CAGE1: variants seen among roughly 807,000 people sequenced by gnomAD.
The protein encoded by CAGE1 is cancer-associated gene 1 protein.
A neutral mutation model predicts 94.9 loss-of-function variants in CAGE1; 66 were observed. The ratio of observed to expected loss-of-function variants is 0.70; its 90% CI spans 0.57 to 0.85. CAGE1 has a LOEUF of 0.85. CAGE1 is among the 40% of genes least tolerant of loss of function. The pLI, the probability that CAGE1 is intolerant of heterozygous loss-of-function variation, is 0.00. For synonymous variants in CAGE1, 319 were observed against 321.0 expected (o/e 0.99, Z 0.07); for missense variants, 865 against 950.4 (o/e 0.91, Z 1.18).
intron 1 of CAGE1, among the ~76,000 whole-genome samples, chr6:7,387,890 T>C (rs1027250318): frequency 6.9e-6 from 1 of 145,546 alleles, no homozygotes; most frequent in Non-Finnish European, 1.5e-5. Context: ...AAAAATTAGC[T>C]GGGCGCGGTG....
At chr6:7,355,696 A>G (rs961210209) in intron 10 of CAGE1, among the ~76,000 whole-genome samples, 8 of 152,246 alleles carry the variant, frequency 5.3e-5, no homozygotes, top group African/African-American at 9.6e-5. Context: ...AGGCACAAAT[A>G]TTTCTGTAAG....
At chr6:7,340,247 G>C (rs1437568719) in intron 11 of CAGE1, among the ~76,000 whole-genome samples, 1 of 152,068 alleles carries the variant, frequency 6.6e-6, no homozygotes, top group South Asian at 2.1e-4. Context: ...CATGTCCTTA[G>C]CCCACTTTTT....
At position 7,380,952 on chromosome 6, in the gene CAGE1, T is replaced by C. The variant is rs147264556; in HGVS notation, c.284-1932A>G. Among the ~76,000 whole-genome samples the C allele has an allele frequency of 3.0e-3, 457 of 152,342 alleles. 1 individual carries two copies. Among genetic ancestry groups the C allele is most frequent in the Middle Eastern group, 0.01 (3 of 294 alleles). ...TCCAAAGTGTACCAATTTATGCTTC[T>C]ACCAGTAGCCTCTGGGTTCCTTTGC... On this transcript the variant is annotated intron_variant, in intron 3 of 13. Transcript: ENST00000502583.
rs562784414 is a variant in CAGE1 at position 7,339,881 on chromosome 6, C to T, written c.2370-5791G>A. ...TTCAAATTGTGCTGCTATAAACATG[C>T]ATGTGCAAGTATCTTTTTTGAATAA... On this transcript the variant is annotated intron_variant, in intron 11 of 13. Transcript: ENST00000502583. This position sits in a 1 kb window ranked among gnomAD's most constrained non-coding sequence, Gnocchi z 4.7. Among the ~76,000 whole-genome samples the T allele has an allele frequency of 6.6e-6, 1 of 152,318 alleles. No individual in the cohort carries two copies. Among genetic ancestry groups the T allele is most frequent in the African/African-American group, 2.4e-5 (1 of 41,580 alleles).
chr6:7,383,564 C>T (rs1423927281), intron 3 of CAGE1, among the ~76,000 whole-genome samples: 1 of 152,160 alleles, frequency 6.6e-6, no homozygotes, highest in Non-Finnish European at 1.5e-5. Flanking sequence ...GGTTTGTTAC[C>T]CTTCTGCCTA....
Position 7,389,714 on chromosome 6 carries a change from C to T in CAGE1, c.-536G>A, listed in dbSNP as rs1761271966. 3.7e-6 allele frequency: 2 copies of T among 543,442 alleles called. No individual in the cohort carries two copies. The highest frequency in any genetic ancestry group is 6.6e-6 in the Non-Finnish European group (2 of 301,628). 33.7% of individuals were successfully genotyped at this position (543,442 alleles called of 1,614,324 possible). A position where few individuals can be genotyped will look rare whatever the true frequency, so the allele number is the denominator to read the frequency against. The stretch of plus-strand genomic sequence containing the variant: ...CCTGAGAGCACAGAACATCCACAGC[C>T]CTATACAGCGCGCCATCCAGAGAGC... On this transcript the variant is annotated 5_prime_UTR_variant, in exon 1 of 14. Coordinates refer to ENST00000502583, the MANE Select transcript of CAGE1 (RefSeq NM_001170692.2).
At chr6:7,368,662 T>G in intron 7 of CAGE1, 26 bp downstream of exon 7, 2 of 1,191,354 alleles carry the variant, frequency 1.7e-6, no homozygotes, top group Non-Finnish European at 2.3e-6. Flanking sequence ...ATAATAAAAT[T>G]TTTAGAAGAA....
chr6:7,333,673 T>TATAC (rs1758845903), intron 12 of CAGE1, among the ~76,000 whole-genome samples: 1 of 92,726 alleles, frequency 1.1e-5, no homozygotes, highest in South Asian at 3.3e-4. Flanking sequence ...TATATATATA[T>TATAC]ACATTTTTTT....
At chr6:7,337,672 A>G (rs1396364075) in intron 11 of CAGE1, among the ~76,000 whole-genome samples, 1 of 152,194 alleles carries the variant, frequency 6.6e-6, no homozygotes, top group Non-Finnish European at 1.5e-5. Context: ...TTGTCCATAT[A>G]TGCATGGGTC....
rs558127129 is a variant in CAGE1 at position 7,364,345 on chromosome 6, T to C, written c.2193+1123A>G. On this transcript the variant is annotated intron_variant, in intron 9 of 13. Transcript: ENST00000502583. ...TTTCCTTCTGATAAACAGTTATTTA[T>C]GTATCTTATCTTCTTTTCTAGATTC... Among the ~76,000 whole-genome samples the C allele has an allele frequency of 1.2e-3, 186 of 152,252 alleles. 1 individual carries two copies. The highest frequency in any genetic ancestry group is 2.1e-3 in the Non-Finnish European group (144 of 68,044).
chr6:7,333,435 T>A (rs1758822211), intron 12 of CAGE1, among the ~76,000 whole-genome samples: 2 of 152,076 alleles, frequency 1.3e-5, no homozygotes, highest in Non-Finnish European at 2.9e-5. Flanking sequence ...ATAATCTTTA[T>A]AGTTTCTTCC....
Position 7,326,839 on chromosome 6 carries a change from G to C in CAGE1, c.*19C>G. Reference sequence around the variant, plus strand: ...GGAGTGGTTGACAAAAATGATTACTGTTTAATCTTCAGGCTTGTTTAATCT... The same window carrying C: ...GGAGTGGTTGACAAAAATGATTACTCTTTAATCTTCAGGCTTGTTTAATCT... On this transcript the variant is annotated 3_prime_UTR_variant, in exon 14 of 14. Transcript: ENST00000502583. 6.5e-7 allele frequency: 1 copy of C among 1,539,904 alleles called. No homozygotes were observed. The highest frequency in any genetic ancestry group is 1.1e-5 in the South Asian group (1 of 89,556).
At position 7,373,755 on chromosome 6, in the gene CAGE1, T is replaced by C. The variant is rs753020468; in HGVS notation, c.1064A>G (p.Asn355Ser). ...TKQQVFIDVI[N>S]KLKENVEELI... ...TTCTTCAACATTCTCCTTTAGCTTATTGATGACATCAATGAACACTTGCTG... is the reference window on the plus strand; with the variant it reads ...TTCTTCAACATTCTCCTTTAGCTTACTGATGACATCAATGAACACTTGCTG... Residue 355 changes from asparagine to serine, a missense_variant, in exon 5 of 14, where the codon AAT (asparagine) becomes AGT (serine). Physicochemically the swap from Asn to Ser is conservative, Grantham distance 46 (BLOSUM62 1). Transcript: ENST00000502583. 3 of 1,613,696 alleles carry C rather than the reference T, an allele frequency of 1.9e-6. No homozygotes were observed. The highest frequency in any genetic ancestry group is 2.2e-5 in the South Asian group (2 of 91,062).
At position 7,339,566 on chromosome 6, in the gene CAGE1, G is replaced by A. The variant is rs879164166; in HGVS notation, c.2370-5476C>T. On this transcript the variant is annotated intron_variant, in intron 11 of 13. Transcript: ENST00000502583. The surrounding 1 kb of genome is among the most constrained non-coding windows in gnomAD (Gnocchi z 4.7). The stretch of plus-strand genomic sequence containing the variant: ...TCCTCTTCTTGGAAATTTGTAAGGC[G>A]ATCTTGCCGCCATGCTCCGCTGAAA... 1.6e-5 allele frequency: 12 copies of A among 765,950 alleles called. No individual in the cohort carries two copies. Among genetic ancestry groups the A allele is most frequent in the African/African-American group, 5.1e-5 (3 of 58,752 alleles). The allele number at this position is 765,950 out of a possible 1,614,324, so 47.4% of individuals were successfully genotyped here.
At chr6:7,332,865 C>G (rs1758803470) in intron 12 of CAGE1, among the ~76,000 whole-genome samples, 2 of 152,168 alleles carry the variant, frequency 1.3e-5, no homozygotes, top group Admixed American at 1.3e-4. Flanking sequence ...CTCACTCTCA[C>G]TTTGGGAACT....
At chr6:7,345,154 T>C (rs905765787) in intron 11 of CAGE1, among the ~76,000 whole-genome samples, 1 of 150,722 alleles carries the variant, frequency 6.6e-6, no homozygotes, top group Admixed American at 6.6e-5. Context: ...GCTAGGTCCA[T>C]ATTGCTTTTA....
intron 7 of CAGE1, among the ~76,000 whole-genome samples, chr6:7,366,863 G>A (rs1169803275): frequency 6.6e-6 from 1 of 151,910 alleles, no homozygotes; most frequent in East Asian, 1.9e-4. Flanking sequence ...CTAACATAAC[G>A]ATTGTTATTA....
chr6:7,378,902 A>G lies in CAGE1; in HGVS notation c.402T>C (p.Asp134=), dbSNP rs367672301. 602 of 1,608,880 alleles carry G rather than the reference A, an allele frequency of 3.7e-4. No individual in the cohort carries two copies. Among genetic ancestry groups the G allele is most frequent in the Non-Finnish European group, 5.0e-4 (585 of 1,177,016 alleles). The change falls in exon 4 of 14, where the codon GAT becomes GAC. Residue 134 remains aspartate, a synonymous_variant. Coordinates refer to ENST00000502583, the MANE Select transcript of CAGE1 (RefSeq NM_001170692.2). ...VCKFHWVEAF[D]DEMTEKPEFQ... ...ATTCTGGCTTCTCTGTCATTTCATC[A>G]TCAAATGCTTCTACCCAGTGAAATT...
Position 7,369,954 on chromosome 6 carries a change from G to A in CAGE1, c.1858C>T (p.Leu620Phe). Residue 620 changes from leucine (L) to phenylalanine (F), a missense_variant, in exon 6 of 14, where the codon CTT becomes TTT. By Grantham distance (22) the Leu-to-Phe change is conservative. Transcript: ENST00000502583. The stretch of plus-strand genomic sequence containing the variant: ...AGAAGTCCCACCATCAGAGCCAGAA[G>A]ACTGTGCATTTTGGAGGCCAGCTGA... ...ASQLASKMHS[L>F]LALMVGLLTC... The A allele has an allele frequency of 6.2e-7, 1 of 1,613,676 alleles. No individual in the cohort carries two copies.
Sources: allele counts gnomAD v4.1 joint callset (sites outside exome capture counted in the v4.1 genomes callset), GRCh38; gene constraint gnomAD v4.1.1; non-coding constraint Gnocchi (gnomAD v3.1); transcripts MANE v1.5; gene names NCBI Gene and HGNC (gene_info 2026-07-23, HGNC 2026-07-21).